The following HVCN1 variants were observed in gnomAD, a reference collection of about 807,000 sequenced individuals.
HVCN1 encodes hydrogen voltage gated channel 1.
In HVCN1, 14 loss-of-function variants were observed where a neutral mutation model predicts 29.2. The observed-to-expected ratio is 0.48, with a 90% confidence interval of 0.32 to 0.75. The LOEUF is 0.75. Ranked by LOEUF, HVCN1 falls within the 30% of genes least tolerant of loss-of-function variation. The pLI is 0.04. For synonymous variants in HVCN1, 131 were observed against 133.2 expected (o/e 0.98, Z 0.11); for missense variants, 263 against 341.8 (o/e 0.77, Z 1.82).
rs192134421 is a variant in HVCN1, at chr12:110,666,260, A to G, written c.22-4812T>C. Among the ~76,000 whole-genome samples the G allele has an allele frequency of 1.3e-3, 192 of 151,312 alleles. 4 individuals are homozygous for G. The highest frequency in any genetic ancestry group is 9.9e-3 in the Admixed American group (151 of 15,198). On this transcript the variant is annotated intron_variant, in intron 3 of 7. Transcript: ENST00000242607. ...GGTGAAACCCCATCTCTACTAAAAA[A>G]AAATACAAAAAAATTAGCCAGGCAT...
chr12:110,691,871 C>A (rs748791363), upstream of HVCN1, among the ~76,000 whole-genome samples: 3 of 152,332 alleles, frequency 2.0e-5, no homozygotes, highest in African/African-American at 7.2e-5. Flanking sequence ...CAGCCCCCAA[C>A]CTTACTGATG....
intron 3 of HVCN1, among the ~76,000 whole-genome samples, chr12:110,668,934 T>C (rs1214881769): frequency 1.3e-5 from 2 of 152,124 alleles, no homozygotes; most frequent in African/African-American, 2.4e-5. Context: ...TCCTGTACCA[T>C]GTCCCTGCCC....
At chr12:110,679,423 C>T (rs1388049784) in intron 3 of HVCN1, among the ~76,000 whole-genome samples, 1 of 152,232 alleles carries the variant, frequency 6.6e-6, no homozygotes, top group Admixed American at 6.5e-5. Context: ...CCAGTTCATC[C>T]TCATGACAGA....
intron 2 of HVCN1, among the ~76,000 whole-genome samples, chr12:110,684,096 T>G (rs79754608): frequency 0.031 from 4,649 of 151,826 alleles, 236 homozygotes; most frequent in African/African-American, 0.11. Flanking sequence ...ACAAGCAGAT[T>G]GGTGGTTGCC....
intron 3 of HVCN1, among the ~76,000 whole-genome samples, chr12:110,665,870 G>A (rs946107642): frequency 9.2e-5 from 14 of 152,096 alleles, no homozygotes; most frequent in Admixed American, 4.6e-4. Flanking sequence ...ACTGTGCATC[G>A]TGGCACATGC....
chr12:110,656,660 G>A (rs2068002237), intron 4 of HVCN1, among the ~76,000 whole-genome samples: 1 of 152,114 alleles, frequency 6.6e-6, no homozygotes, highest in Non-Finnish European at 1.5e-5. Flanking sequence ...CATTATCTTG[G>A]CAATTTCTGC....
chr12:110,661,917 G>A lies in HVCN1; in HGVS notation c.22-469C>T, dbSNP rs552051653. Among the ~76,000 whole-genome samples, 2 of 152,344 alleles carry A rather than the reference G, an allele frequency of 1.3e-5. No homozygotes were observed. The highest frequency in any genetic ancestry group is 6.5e-5 in the Admixed American group (1 of 15,304). ...TCACGCCACACATCCTGACAGGCGC[G>A]TGGCAGATGGACATTTTCCAAGTTC... On this transcript the variant is annotated intron_variant, in intron 3 of 7. Coordinates refer to ENST00000242607, the MANE Select transcript of HVCN1 (RefSeq NM_032369.4). This position sits in a 1 kb window ranked among gnomAD's most constrained non-coding sequence, Gnocchi z 6.2.
At chr12:110,650,910 G>C (rs1169372660) in intron 6 of HVCN1, among the ~76,000 whole-genome samples, 26 of 151,986 alleles carry the variant, frequency 1.7e-4, no homozygotes, top group Admixed American at 1.7e-3. Context: ...ATGTTGCCCA[G>C]GTTGGTCTCG....
chr12:110,690,711 C>A (rs1196599897), upstream of HVCN1, among the ~76,000 whole-genome samples: 1 of 152,130 alleles, frequency 6.6e-6, no homozygotes, highest in South Asian at 2.1e-4. Flanking sequence ...CTCCTGACCT[C>A]AAGTGATCTG....
Position 110,649,095 on chromosome 12 carries a change from C to T in HVCN1, c.*315G>A. The T allele has an allele frequency of 1.6e-6, 1 of 616,650 alleles. No individual in the cohort carries two copies. Among genetic ancestry groups the T allele is most frequent in the South Asian group, 1.5e-5 (1 of 65,138 alleles). The allele number at this position is 616,650 out of a possible 1,614,324, so 38.2% of individuals were successfully genotyped here. ...ATACACGTGAAATTTGAAAACTGTA[C>T]ATTCGGTGAGATTAAATTTTATATA... On this transcript the variant is annotated 3_prime_UTR_variant, in exon 8 of 8. Coordinates refer to ENST00000242607, the MANE Select transcript of HVCN1 (RefSeq NM_032369.4).
At chr12:110,683,533 A>C (rs1179192872) in intron 2 of HVCN1, among the ~76,000 whole-genome samples, 1 of 152,226 alleles carries the variant, frequency 6.6e-6, no homozygotes, top group African/African-American at 2.4e-5. Context: ...CAAAAGGTGG[A>C]AACGACCCGC....
At chr12:110,650,338 A>G (rs2067744264) in intron 6 of HVCN1, 58 bp from the exon 7 acceptor site, 11 of 1,063,992 alleles carry the variant, frequency 1.0e-5, no homozygotes, top group Non-Finnish European at 1.6e-5. Flanking sequence ...ACTCAGGAAA[A>G]AAATCTGTAT....
rs1201008510 is a variant in HVCN1, at chr12:110,651,203, T to C, written c.643+14A>G. ...CTACTCTCCATCCACAGCCTGGGAG[T>C]GCAGGAGACGTACCATTGATGATCC... On this transcript the variant is annotated intron_variant, in intron 6 of 7. Transcript: ENST00000242607. The C allele has an allele frequency of 1.3e-6, 2 of 1,585,730 alleles. No individual in the cohort carries two copies. Among genetic ancestry groups the C allele is most frequent in the East Asian group, 2.2e-5 (1 of 44,704 alleles).
intron 3 of HVCN1, among the ~76,000 whole-genome samples, chr12:110,679,815 T>TGCAGTCC (rs1029693464): frequency 6.7e-6 from 1 of 149,634 alleles, no homozygotes; most frequent in African/African-American, 2.5e-5. Context: ...ATTGCGCCAC[T>TGCAGTCC]GCAGTCCGCA....
chr12:110,684,671 G>A (rs2069115120), intron 2 of HVCN1, among the ~76,000 whole-genome samples: 1 of 152,168 alleles, frequency 6.6e-6, no homozygotes, highest in African/African-American at 2.4e-5. Context: ...CTGGGTGTGG[G>A]GCTTTCCTTC....
At chr12:110,701,916 C>CAACAACAACAAA (rs532906104) in intron 2 of HVCN1, among the ~76,000 whole-genome samples, 1 of 151,022 alleles carries the variant, frequency 6.6e-6, no homozygotes, top group African/African-American at 2.4e-5. Context: ...ACAACAACAA[C>CAACAACAACAAA]AAAACACACA....
intron 2 of HVCN1, 36 bp from the exon 3 acceptor site, chr12:110,683,300 T>C (rs2136442818): frequency 6.3e-7 from 1 of 1,579,100 alleles, no homozygotes. Flanking sequence ...AGATCTATCA[T>C]CTTGCTGCCA....
intron 2 of HVCN1, among the ~76,000 whole-genome samples, chr12:110,698,298 C>A (rs1305621719): frequency 1.3e-5 from 2 of 152,222 alleles, no homozygotes; most frequent in African/African-American, 4.8e-5. Flanking sequence ...CTATGCCCAG[C>A]CTTTCCTGTC....
intron 2 of HVCN1, among the ~76,000 whole-genome samples, chr12:110,684,688 T>G (rs1227402238): frequency 6.6e-6 from 1 of 152,236 alleles, no homozygotes; most frequent in African/African-American, 2.4e-5. Flanking sequence ...CTTCTCTGCT[T>G]CTGGGAGGCG....
Sources: gnomAD v4.1 joint callset for allele counts (sites outside exome capture counted in the v4.1 genomes callset) on GRCh38, gnomAD v4.1.1 for gene constraint, Gnocchi (gnomAD v3.1) non-coding constraint, MANE v1.5 for transcripts, NCBI Gene and HGNC (gene_info 2026-07-23, HGNC 2026-07-21) for gene names.